The following VAT1L variants were observed in gnomAD, a reference collection of about 807,000 sequenced individuals.
The protein encoded by VAT1L is putative NADPH-dependent quinone oxidoreductase VAT1L.
VAT1L carries 34 observed loss-of-function variants against 44.1 expected under a neutral mutation model. That is an observed-to-expected ratio of 0.77 (90% CI 0.59 to 1.03). VAT1L has a LOEUF of 1.03. Among genes scored for constraint, VAT1L ranks in the 50% least tolerant of loss-of-function variants. The pLI is 0.00. For missense variants in VAT1L, 615 were observed against 538.8 expected (o/e 1.14, Z -1.40); for synonymous variants, 253 against 202.2 (o/e 1.25, Z -2.13).
rs751786729 is a variant in VAT1L, at chr16:77,910,694, GAAAGA to G, written c.1077+25909_1077+25913del. 8.3e-3 allele frequency among the ~76,000 whole-genome samples: 1,038 copies of G among 124,360 alleles called. 8 individuals carry two copies. The highest frequency in any genetic ancestry group is 0.011 in the Non-Finnish European group (666 of 58,242). 81.6% of individuals were successfully genotyped at this position (124,360 alleles called of 152,430 possible). A position where few individuals can be genotyped will look rare whatever the true frequency, so the allele number is the denominator to read the frequency against. The stretch of plus-strand genomic sequence containing the variant: ...TTCTCAAAAAAAAAAAAAAAAAAAA[GAAAGA>G]AAAGAAAAGAAAAGAATACACTAGG... On this transcript the variant is annotated intron_variant, in intron 7 of 8. Transcript: ENST00000302536.
At chr16:77,843,538 G>A (rs1278948493) in intron 3 of VAT1L, among the ~76,000 whole-genome samples, 1 of 152,226 alleles carries the variant, frequency 6.6e-6, no homozygotes, top group African/African-American at 2.4e-5. Flanking sequence ...GAGGCTGAAA[G>A]CCAGGATTTG....
At chr16:77,970,743 C>G (rs2018270184) in intron 7 of VAT1L, among the ~76,000 whole-genome samples, 1 of 152,124 alleles carries the variant, frequency 6.6e-6, no homozygotes, top group Non-Finnish European at 1.5e-5. Flanking sequence ...TCCAGAAAAG[C>G]AATTAGAATA....
intron 7 of VAT1L, among the ~76,000 whole-genome samples, chr16:77,916,871 G>A (rs2017557784): frequency 6.6e-6 from 1 of 150,996 alleles, no homozygotes; most frequent in South Asian, 2.1e-4. Flanking sequence ...TTTGTTGTTG[G>A]CAAAGAGTGC....
intron 7 of VAT1L, among the ~76,000 whole-genome samples, chr16:77,931,496 G>A (rs762618620): frequency 5.9e-5 from 9 of 152,182 alleles, no homozygotes; most frequent in Admixed American, 2.6e-4. Flanking sequence ...GGGGAAAGAA[G>A]GGTTCTGTGG....
At position 77,937,244 on chromosome 16, in the gene VAT1L, A is replaced by AG. The variant is rs372870184; in HGVS notation, c.1078-34604dup. Reference sequence around the variant, plus strand: ...CAGCCTGAGCCTCACAGTTCCCTTCAGGTTCATCGTCCTCCTCACGCAAAT... The same window carrying AG: ...CAGCCTGAGCCTCACAGTTCCCTTCAGGGTTCATCGTCCTCCTCACGCAAAT... On this transcript the variant is annotated intron_variant, in intron 7 of 8. Coordinates refer to ENST00000302536, the MANE Select transcript of VAT1L (RefSeq NM_020927.3). 2.4e-3 allele frequency among the ~76,000 whole-genome samples: 360 copies of AG among 152,282 alleles called. 2 individuals carry two copies. The highest frequency in any genetic ancestry group is 8.1e-3 in the African/African-American group (338 of 41,558).
rs964905957 is a variant in VAT1L at position 77,965,531 on chromosome 16, G to A, written c.1078-6319G>A. Among the ~76,000 whole-genome samples the A allele has an allele frequency of 1.3e-5, 2 of 152,172 alleles. 1 individual carries two copies. Among genetic ancestry groups the A allele is most frequent in the Non-Finnish European group, 2.9e-5 (2 of 68,044 alleles). On this transcript the variant is annotated intron_variant, in intron 7 of 8. Transcript: ENST00000302536. ...TTTCCTCCCTCCACTGTCTGGATGG[G>A]AAACCAGCTCTGTTGGAGATGGCCT...
chr16:77,908,562 C>T (rs752681937), intron 7 of VAT1L, among the ~76,000 whole-genome samples: 13 of 151,630 alleles, frequency 8.6e-5, no homozygotes, highest in Admixed American at 5.9e-4. Context: ...GAACACTTCC[C>T]GAAGCTGCAG....
At chr16:77,896,264 T>G (rs2017323455) in intron 7 of VAT1L, among the ~76,000 whole-genome samples, 1 of 152,174 alleles carries the variant, frequency 6.6e-6, no homozygotes, top group Non-Finnish European at 1.5e-5. Context: ...TGGTCACCTT[T>G]TAAGACTCAG....
intron 4 of VAT1L, among the ~76,000 whole-genome samples, chr16:77,871,649 G>A (rs1025514087): frequency 1.3e-5 from 2 of 152,144 alleles, no homozygotes; most frequent in Admixed American, 1.3e-4. Context: ...CATTTTCCTT[G>A]TCTATCAAAT....
chr16:77,861,985 A>G (rs1019934168), intron 3 of VAT1L, among the ~76,000 whole-genome samples: 3 of 152,352 alleles, frequency 2.0e-5, no homozygotes, highest in Non-Finnish European at 4.4e-5. Context: ...GTCCAGGTAA[A>G]ATACCTACAT....
chr16:77,881,569 A>G (rs188736641), intron 6 of VAT1L, among the ~76,000 whole-genome samples: 53 of 152,382 alleles, frequency 3.5e-4, no homozygotes, highest in Non-Finnish European at 6.5e-4. Flanking sequence ...TGTGCTATTC[A>G]TATGCCCTCA....
chr16:77,940,787 G>T (rs1285625062), intron 7 of VAT1L, among the ~76,000 whole-genome samples: 1 of 152,156 alleles, frequency 6.6e-6, no homozygotes, highest in African/African-American at 2.4e-5. Context: ...CCCAAAGACA[G>T]CTCTACTCTT....
chr16:77,918,881 C>G (rs1286137928), intron 7 of VAT1L, among the ~76,000 whole-genome samples: 2 of 152,290 alleles, frequency 1.3e-5, no homozygotes, highest in Middle Eastern at 3.4e-3. Flanking sequence ...AATGTTTGTT[C>G]AGTAGAATAA....
intron 7 of VAT1L, chr16:77,892,728 C>G: frequency 1.3e-6 from 1 of 741,996 alleles, no homozygotes. Flanking sequence ...ATGGCAAATA[C>G]TGGACCCAGC....
At chr16:77,971,475 C>T (rs2018277335) in intron 7 of VAT1L, among the ~76,000 whole-genome samples, 1 of 152,136 alleles carries the variant, frequency 6.6e-6, no homozygotes, top group African/African-American at 2.4e-5. Flanking sequence ...GTAAGCAGGG[C>T]ACAAATGACC....
intron 4 of VAT1L, among the ~76,000 whole-genome samples, chr16:77,874,217 G>A (rs1052034674): frequency 6.6e-6 from 1 of 152,138 alleles, no homozygotes; most frequent in Non-Finnish European, 1.5e-5. Flanking sequence ...CAGGCAAGGG[G>A]AGAGGTCTTG....
chr16:77,918,403 A>C (rs1164579368), intron 7 of VAT1L, among the ~76,000 whole-genome samples: 1 of 152,090 alleles, frequency 6.6e-6, no homozygotes, highest in Non-Finnish European at 1.5e-5. Flanking sequence ...CTTCCCCCCA[A>C]AAGTCTCTTG....
At chr16:77,840,488 ACCG>A (rs1303534339) in intron 3 of VAT1L, among the ~76,000 whole-genome samples, 2 of 152,094 alleles carry the variant, frequency 1.3e-5, no homozygotes, top group Non-Finnish European at 2.9e-5. Context: ...AAGAAAAACA[ACCG>A]ATAAAGAGTA....
At chr16:77,965,841 C>G (rs2018217138) in intron 7 of VAT1L, among the ~76,000 whole-genome samples, 1 of 152,172 alleles carries the variant, frequency 6.6e-6, no homozygotes, top group African/African-American at 2.4e-5. Flanking sequence ...ATTCATTCAT[C>G]CCAGAAGCTA....
Sources: allele counts gnomAD v4.1 joint callset (sites outside exome capture counted in the v4.1 genomes callset), GRCh38; gene constraint gnomAD v4.1.1; transcripts MANE v1.5; gene names NCBI Gene and HGNC (gene_info 2026-07-23, HGNC 2026-07-21).